LRRK1: variants seen among roughly 807,000 people sequenced by gnomAD.
LRRK1 encodes leucine rich repeat kinase 1.
A neutral mutation model predicts 209.1 loss-of-function variants in LRRK1; 113 were observed. That is an observed-to-expected ratio of 0.54 (90% CI 0.46 to 0.63). The LOEUF (loss-of-function observed/expected upper bound fraction) is 0.63, where lower values mean the gene tolerates loss of function less well. LRRK1 is among the 30% of genes least tolerant of loss of function. LRRK1 has a pLI of 0.00. For missense variants in LRRK1, 2,284 were observed against 2,632.2 expected (o/e 0.87, Z 2.89); for synonymous variants, 1,144 against 1,099.7 (o/e 1.04, Z -0.80).
intron 3 of LRRK1, among the ~76,000 whole-genome samples, chr15:100,982,044 G>A (rs1187491001): frequency 6.6e-6 from 1 of 152,132 alleles, no homozygotes; most frequent in African/African-American, 2.4e-5. Context: ...TCCTCAGTAG[G>A]TGTTGATGGG....
At chr15:101,063,722 C>T (rs1022398012) in intron 31 of LRRK1, among the ~76,000 whole-genome samples, 2 of 151,754 alleles carry the variant, frequency 1.3e-5, no homozygotes, top group African/African-American at 2.4e-5. Flanking sequence ...AGGTCTAGGC[C>T]GGTGTGCTTG....
chr15:101,031,392 A>G (rs2034277067), intron 20 of LRRK1, among the ~76,000 whole-genome samples: 1 of 152,220 alleles, frequency 6.6e-6, no homozygotes, highest in Non-Finnish European at 1.5e-5. Context: ...TTCTCGCACT[A>G]AACATCATGC....
chr15:100,947,731 A>G (rs1390028264), intron 2 of LRRK1, among the ~76,000 whole-genome samples: 1 of 152,240 alleles, frequency 6.6e-6, no homozygotes, highest in Non-Finnish European at 1.5e-5. Context: ...ATGTTCATCC[A>G]TGAAGACAGG....
Position 101,022,447 on chromosome 15 carries a change from G to A in LRRK1, c.1917G>A (p.Met639Ile), listed in dbSNP as rs772234195. Residue 639 changes from methionine (M) to isoleucine (I), a missense_variant, in exon 15 of 34, where the codon ATG becomes ATA. By Grantham distance (10) the Met-to-Ile change is conservative. Transcript: ENST00000388948. The surrounding 1 kb of genome is among the most constrained non-coding windows in gnomAD (Gnocchi z 4.0). Reference sequence around the variant, plus strand: ...GGAAAGCGGAAAAGTGCAAGCTGATGAAGATGATCATCGTGGGTCCCCCGC... The same window carrying A: ...GGAAAGCGGAAAAGTGCAAGCTGATAAAGATGATCATCGTGGGTCCCCCGC... ...QLRKAEKCKLMKMIIVGPPRQ... is the reference protein window; with the variant it reads ...QLRKAEKCKLIKMIIVGPPRQ... 2 of 1,614,242 alleles carry A rather than the reference G, an allele frequency of 1.2e-6. No individual in the cohort carries two copies. The highest frequency in any genetic ancestry group is 1.7e-5 in the Admixed American group (1 of 60,032).
chr15:101,049,580 G>A, intron 22 of LRRK1, 64 bp from the exon 23 acceptor site: 1 of 1,572,886 alleles, frequency 6.4e-7, no homozygotes, highest in Non-Finnish European at 8.6e-7. Context: ...TGGGGGTAGG[G>A]ATATCATCCC....
chr15:101,010,978 C>A, intron 9 of LRRK1, 141 bp downstream of exon 9: 1 of 699,230 alleles, frequency 1.4e-6, no homozygotes, highest in Non-Finnish European at 2.3e-6. Context: ...ACATTGTAAG[C>A]ATCGTCACTC....
At chr15:100,968,700 T>C in intron 2 of LRRK1, among the ~76,000 whole-genome samples, 1 of 64,842 alleles carries the variant, frequency 1.5e-5, no homozygotes, top group Non-Finnish European at 3.7e-5. Flanking sequence ...CTTTCCTTCC[T>C]TCCTTCCTTC....
intron 16 of LRRK1, 59 bp downstream of exon 16, chr15:101,025,026 C>T (rs781086677): frequency 9.8e-6 from 15 of 1,537,812 alleles, no homozygotes; most frequent in African/African-American, 1.4e-5. Flanking sequence ...CAGGTCCCAC[C>T]GCTTCCCTCA....
rs1567301281 is a variant in LRRK1 at position 101,074,334 on chromosome 15, A to ATCCTTC, written c.*5486_*5487insTCCTTC. Reference sequence around the variant, plus strand: ...GTCCGGCTTACAGTTTCCTTCCGTGACTAGCCCTCCCCTACCTGCCCAGCA... The same window carrying ATCCTTC: ...GTCCGGCTTACAGTTTCCTTCCGTGATCCTTCCTAGCCCTCCCCTACCTGCCCAGCA... On this transcript the variant is annotated 3_prime_UTR_variant, in exon 34 of 34. Coordinates refer to ENST00000388948, the MANE Select transcript of LRRK1 (RefSeq NM_024652.6). 172 of 152,182 alleles carry ATCCTTC rather than the reference A, an allele frequency of 1.1e-3. 1 individual carries two copies. The highest frequency in any genetic ancestry group is 3.9e-3 in the African/African-American group (161 of 41,482). The allele number at this position is 152,182 out of a possible 1,614,324, so 9.4% of individuals were successfully genotyped here. A position where few individuals can be genotyped will look rare whatever the true frequency, so the allele number is the denominator to read the frequency against.
At chr15:100,994,682 C>A (rs1430201780) in intron 6 of LRRK1, among the ~76,000 whole-genome samples, 2 of 152,196 alleles carry the variant, frequency 1.3e-5, no homozygotes. Context: ...AATTTCAGCG[C>A]AACCTGAGTC....
rs1244564192 is a variant in LRRK1, at chr15:101,054,571, C to G, written c.4055-375C>G. ...TGTGTAATCCCAACACTTTGGGAGG[C>G]CCAGGCGGGCAGGTCGCTTAAAGCC... is the stretch of plus-strand genomic sequence containing the variant. On this transcript the variant is annotated intron_variant, in intron 26 of 33. Transcript: ENST00000388948. Among the ~76,000 whole-genome samples the G allele has an allele frequency of 2.6e-5, 4 of 152,304 alleles. No individual in the cohort carries two copies. The East Asian group carries it at 7.7e-4, about 29-fold the overall frequency.
intron 12 of LRRK1, among the ~76,000 whole-genome samples, chr15:101,019,800 C>G (rs964749845): frequency 2.6e-5 from 4 of 152,196 alleles, no homozygotes; most frequent in African/African-American, 9.7e-5. Flanking sequence ...TGCCCCCTCT[C>G]CAGGCCTTAG....
At chr15:100,947,355 C>A (rs28427330) in intron 2 of LRRK1, among the ~76,000 whole-genome samples, 1 of 152,040 alleles carries the variant, frequency 6.6e-6, no homozygotes, top group African/African-American at 2.4e-5. Flanking sequence ...TACACTGTGC[C>A]CATTCCTATG....
At chr15:101,023,420 T>A (rs2033885988) in intron 15 of LRRK1, among the ~76,000 whole-genome samples, 1 of 152,188 alleles carries the variant, frequency 6.6e-6, no homozygotes, top group Non-Finnish European at 1.5e-5. Flanking sequence ...TTCCTGTTCA[T>A]GTAACAGAGA....
intron 3 of LRRK1, among the ~76,000 whole-genome samples, chr15:100,981,474 C>A (rs1394612942): frequency 6.6e-6 from 1 of 152,180 alleles, no homozygotes; most frequent in African/African-American, 2.4e-5. Flanking sequence ...CTGATCCCAG[C>A]CCCTTAGACT....
chr15:101,049,270 G>A (rs2035261870), intron 22 of LRRK1: 1 of 193,968 alleles, frequency 5.2e-6, no homozygotes, highest in Admixed American at 6.1e-5. Context: ...ACTTTACAGA[G>A]GGCTTGATTG....
chr15:101,033,326 C>T (rs2034363002), intron 20 of LRRK1, among the ~76,000 whole-genome samples: 1 of 152,116 alleles, frequency 6.6e-6, no homozygotes, highest in South Asian at 2.1e-4. Flanking sequence ...ACCATATATT[C>T]TTGCTAACTA....
chr15:100,983,743 C>G, intron 4 of LRRK1, 44 bp downstream of exon 4: 1 of 1,571,878 alleles, frequency 6.4e-7, no homozygotes, highest in Non-Finnish European at 8.8e-7. Flanking sequence ...TCAGGGCACC[C>G]TCTTCTTAGG....
At position 101,074,814 on chromosome 15, in the gene LRRK1, G is replaced by A. The variant is rs1435330766; in HGVS notation, c.*5966G>A. The stretch of plus-strand genomic sequence containing the variant: ...CTCCTCCCCCAGGAGCTTGCTACAA[G>A]TGCCAGAAATCTGGCCACCAGGCCA... On this transcript the variant is annotated 3_prime_UTR_variant, in exon 34 of 34. Coordinates refer to ENST00000388948, the MANE Select transcript of LRRK1 (RefSeq NM_024652.6). 2 of 152,084 alleles carry A rather than the reference G, an allele frequency of 1.3e-5. No individual in the cohort carries two copies. Among genetic ancestry groups the A allele is most frequent in the East Asian group, 1.9e-4 (1 of 5,162 alleles). 9.4% of individuals were successfully genotyped at this position (152,084 alleles called of 1,614,324 possible).
Sources: allele counts gnomAD v4.1 joint callset (sites outside exome capture counted in the v4.1 genomes callset), GRCh38; gene constraint gnomAD v4.1.1; non-coding constraint Gnocchi (gnomAD v3.1); transcripts MANE v1.5; gene names NCBI Gene and HGNC (gene_info 2026-07-23, HGNC 2026-07-21).